Variants in CCT6A observed in about 807,000 individuals in gnomAD.
The protein encoded by CCT6A is chaperonin containing TCP1 subunit 6A.
In CCT6A, 6 loss-of-function variants were observed where a neutral mutation model predicts 58.6. The observed-to-expected ratio is 0.10, with a 90% CI of 0.06 to 0.20. CCT6A has a LOEUF of 0.20. Among genes scored for constraint, CCT6A ranks in the 10% least tolerant of loss-of-function variants. The probability of loss-of-function intolerance (pLI) is 1.00; values close to 1 mark genes in which losing one functional copy is unlikely to be tolerated. For missense variants in CCT6A, 516 were observed against 648.8 expected (o/e 0.80, Z 2.22); for synonymous variants, 245 against 227.8 (o/e 1.08, Z -0.68).
intron 8 of CCT6A, among the ~76,000 whole-genome samples, chr7:56,059,188 A>G (rs562858534): frequency 6.6e-6 from 1 of 151,344 alleles, no homozygotes; most frequent in South Asian, 2.1e-4. Flanking sequence ...TTTAGTAGAG[A>G]TGGGGTTTTG....
At chr7:56,053,766 C>T (rs1433806008) in intron 2 of CCT6A, among the ~76,000 whole-genome samples, 1 of 151,972 alleles carries the variant, frequency 6.6e-6, no homozygotes, top group Non-Finnish European at 1.5e-5. Context: ...CAAAACAAAA[C>T]AAAAAATTAT....
At position 56,060,374 on chromosome 7, in the gene CCT6A, G is replaced by A. The variant is rs770524855; in HGVS notation, c.1171G>A (p.Val391Met). Reference protein sequence around the residue: ...KHTLTQIKDAVRDGLRAVKNA... With the variant: ...KHTLTQIKDAMRDGLRAVKNA... ...CACACTCACTCAGATCAAAGATGCA[G>A]TGAGGGACGGCTTGAGGGCTGTCAA... The change falls in exon 10 of 14, where the codon GTG (valine) becomes ATG (methionine). Residue 391 changes from valine to methionine, a missense_variant. By Grantham distance (21) the Val-to-Met change is conservative (BLOSUM62 1). Coordinates refer to ENST00000275603, the MANE Select transcript of CCT6A (RefSeq NM_001762.4). The A allele has an allele frequency of 3.1e-6, 5 of 1,613,986 alleles. No individual in the cohort carries two copies. The highest frequency in any genetic ancestry group is 3.4e-6 in the Non-Finnish European group (4 of 1,179,962).
At chr7:56,058,814 T>C in intron 8 of CCT6A, 112 bp downstream of exon 8, 1 of 660,792 alleles carries the variant, frequency 1.5e-6, no homozygotes, top group Admixed American at 2.7e-5. Flanking sequence ...GCATTAACTA[T>C]ATTCACATTG....
At chr7:56,056,194 A>C (rs567805268) in intron 4 of CCT6A, 117 bp from the exon 5 acceptor site, 2 of 703,500 alleles carry the variant, frequency 2.8e-6, no homozygotes, top group Non-Finnish European at 5.1e-6. Flanking sequence ...GCTGATAGAA[A>C]AAGACTTAAA....
intron 2 of CCT6A, among the ~76,000 whole-genome samples, chr7:56,053,222 C>G (rs1230971690): frequency 6.6e-6 from 1 of 152,190 alleles, no homozygotes; most frequent in Non-Finnish European, 1.5e-5. Flanking sequence ...ATGCTTTTTA[C>G]TCATCCCTAA....
At chr7:56,052,587 TC>T (rs1356541758) in intron 2 of CCT6A, 102 bp downstream of exon 2, 1 of 1,000,180 alleles carries the variant, frequency 1.0e-6, no homozygotes, top group Admixed American at 1.8e-5. Flanking sequence ...AGGAGAACAT[TC>T]AGAAGTGGCG....
intron 11 of CCT6A, 122 bp downstream of exon 11, chr7:56,061,062 C>T: frequency 1.9e-6 from 2 of 1,069,496 alleles, no homozygotes; most frequent in Non-Finnish European, 2.6e-6. Flanking sequence ...TTCTTTCTGA[C>T]TCTAGAACAG....
chr7:56,061,504 C>T (rs184629128), intron 11 of CCT6A, among the ~76,000 whole-genome samples: 34 of 150,638 alleles, frequency 2.3e-4, no homozygotes, highest in African/African-American at 3.7e-4. Flanking sequence ...CCACCACACC[C>T]GGCCAGGTTT....
At chr7:56,055,391 T>TTA (rs1794283792) in intron 3 of CCT6A, 1 of 616,812 alleles carries the variant, frequency 1.6e-6, no homozygotes, top group Admixed American at 2.3e-5. Flanking sequence ...CAAGTGTGCT[T>TTA]TATAGTTCCC....
intron 4 of CCT6A, 66 bp downstream of exon 4, chr7:56,055,863 A>G: frequency 8.5e-7 from 1 of 1,183,140 alleles, no homozygotes; most frequent in Non-Finnish European, 1.2e-6. Context: ...GATAGTAGAA[A>G]CATGAATATG....
In CCT6A at chr7:56,058,345, T is replaced by C; in HGVS notation, c.726-17T>C. ...TAATGTTTCCCTGCTTTCTGTAACTTTTTTTTTTCTTAATAGAGAAGTGAA... is the reference window on the plus strand; with the variant it reads ...TAATGTTTCCCTGCTTTCTGTAACTCTTTTTTTTCTTAATAGAGAAGTGAA... On this transcript the variant is annotated splice_polypyrimidine_tract_variant and intron_variant, in intron 6 of 13. Coordinates refer to ENST00000275603, the MANE Select transcript of CCT6A (RefSeq NM_001762.4). 3 of 1,541,932 alleles carry C rather than the reference T, an allele frequency of 1.9e-6. No individual in the cohort carries two copies. The highest frequency in any genetic ancestry group is 2.6e-6 in the Non-Finnish European group (3 of 1,146,586).
At chr7:56,060,983 G>A in intron 11 of CCT6A, 43 bp downstream of exon 11, 1 of 1,552,882 alleles carries the variant, frequency 6.4e-7, no homozygotes, top group Non-Finnish European at 8.7e-7. Context: ...AGATTCAGCT[G>A]ATCAAACCTT....
intron 2 of CCT6A, among the ~76,000 whole-genome samples, chr7:56,053,017 C>CGCCTG: frequency 6.6e-6 from 1 of 152,238 alleles, no homozygotes; most frequent in East Asian, 1.9e-4. Context: ...TGGTCTTGAA[C>CGCCTG]GCCTGACTTC....
intron 6 of CCT6A, 78 bp from the exon 7 acceptor site, chr7:56,058,284 A>G: frequency 8.9e-7 from 1 of 1,127,982 alleles, no homozygotes; most frequent in South Asian, 1.6e-5. Flanking sequence ...GAACTGTTAA[A>G]TCTTAGGACT....
At chr7:56,059,670 G>A in intron 9 of CCT6A, 30 bp downstream of exon 9, 1 of 1,042,526 alleles carries the variant, frequency 9.6e-7, no homozygotes, top group Admixed American at 1.7e-5. Context: ...AAAGGTAATA[G>A]AACCTTTTAG....
chr7:56,057,248 A>T (rs1420126080), intron 5 of CCT6A, among the ~76,000 whole-genome samples: 1 of 152,206 alleles, frequency 6.6e-6, no homozygotes, highest in African/African-American at 2.4e-5. Flanking sequence ...AACATCAGTC[A>T]TTTGGCATTT....
rs372118584 is a variant in CCT6A, at chr7:56,060,264, C to A, written c.1066-5C>A. On this transcript the variant is annotated splice_region_variant and splice_polypyrimidine_tract_variant and intron_variant, in intron 9 of 13. Coordinates refer to ENST00000275603, the MANE Select transcript of CCT6A (RefSeq NM_001762.4). ...TTTTGAAAATCATATTTTTTCTACA[C>A]ATAGGGAGAAGAGAAGTTTACCTTT... 2 of 1,612,352 alleles carry A rather than the reference C, an allele frequency of 1.2e-6. No individual in the cohort carries two copies. The highest frequency in any genetic ancestry group is 2.2e-5 in the East Asian group (1 of 44,856).
At chr7:56,052,824 C>A (rs1028259284) in intron 2 of CCT6A, among the ~76,000 whole-genome samples, 3 of 148,102 alleles carry the variant, frequency 2.0e-5, no homozygotes, top group African/African-American at 7.6e-5. Context: ...GACGAAGTCT[C>A]GCTCTGTCGA....
intron 11 of CCT6A, 178 bp from the exon 12 acceptor site, chr7:56,061,569 A>T (rs540078298): frequency 1.3e-5 from 5 of 387,700 alleles, no homozygotes; most frequent in Non-Finnish European, 2.3e-5. Flanking sequence ...CTGGTCTCGA[A>T]CTCCTGACCT....
Sources: allele counts gnomAD v4.1 joint callset (sites outside exome capture counted in the v4.1 genomes callset), GRCh38; gene constraint gnomAD v4.1.1; transcripts MANE v1.5; gene names NCBI Gene and HGNC (gene_info 2026-07-23, HGNC 2026-07-21).